The following LOC400499 variants were observed in gnomAD, a reference collection of about 807,000 sequenced individuals.
At chr16:11,482,594 G>T in the LOC400499 span, among the ~76,000 whole-genome samples, 1 of 152,136 alleles carries the variant, frequency 6.6e-6, no homozygotes, top group Non-Finnish European at 1.5e-5. Flanking sequence ...CATATCTGAT[G>T]AAGAACTTGT....
the LOC400499 span, among the ~76,000 whole-genome samples, chr16:11,463,698 T>C: frequency 6.6e-6 from 1 of 152,098 alleles, no homozygotes; most frequent in Non-Finnish European, 1.5e-5. Flanking sequence ...TGTGAACAGA[T>C]ATGTATATAT....
chr16:11,506,297 T>TTATAGGCATGAGCCACTGAGC, the LOC400499 span, among the ~76,000 whole-genome samples: 1 of 152,202 alleles, frequency 6.6e-6, no homozygotes, highest in Non-Finnish European at 1.5e-5. Flanking sequence ...AGTGCTGGGA[T>TTATAGGCATGAGCCACTGAGC]TATAGGCATG....
chr16:11,428,889 C>A, the LOC400499 span, among the ~76,000 whole-genome samples: 1 of 151,294 alleles, frequency 6.6e-6, no homozygotes, highest in African/African-American at 2.4e-5. Flanking sequence ...GGTGTTTGCA[C>A]ACAATTCAAC....
the LOC400499 span, among the ~76,000 whole-genome samples, chr16:11,400,224 T>A: frequency 3.3e-5 from 5 of 151,996 alleles, no homozygotes; most frequent in South Asian, 8.3e-4. Flanking sequence ...GTTCCCATCT[T>A]ATTTCCCTTC....
the LOC400499 span, among the ~76,000 whole-genome samples, chr16:11,490,764 C>T: frequency 6.6e-6 from 1 of 152,136 alleles, no homozygotes; most frequent in Non-Finnish European, 1.5e-5. Context: ...TCCTGAGAGG[C>T]TATTGTTAAG....
At chr16:11,429,348 C>T in the LOC400499 span, among the ~76,000 whole-genome samples, 1 of 152,156 alleles carries the variant, frequency 6.6e-6, no homozygotes, top group African/African-American at 2.4e-5. Context: ...GTACAGCTTG[C>T]AGAACTATGA....
the LOC400499 span, among the ~76,000 whole-genome samples, chr16:11,407,959 G>A: frequency 7.3e-6 from 1 of 137,594 alleles, no homozygotes; most frequent in African/African-American, 2.7e-5. Context: ...CTGGGAAGAT[G>A]TTCCAGAGCT....
At chr16:11,433,200 G>C in the LOC400499 span, among the ~76,000 whole-genome samples, 1 of 152,200 alleles carries the variant, frequency 6.6e-6, no homozygotes. Flanking sequence ...CTTTTACTGA[G>C]AGTCTGCCAA....
At chr16:11,395,481 C>T in the LOC400499 span, among the ~76,000 whole-genome samples, 3 of 152,142 alleles carry the variant, frequency 2.0e-5, no homozygotes, top group Admixed American at 6.5e-5. Context: ...TGGCTGGAAA[C>T]GGGGAAGTGA....
chr16:11,460,597 C>T, the LOC400499 span: 1 of 1,533,786 alleles, frequency 6.5e-7, no homozygotes, highest in Non-Finnish European at 8.7e-7. Flanking sequence ...CGTGTGCCGC[C>T]TGCTTTGCCT....
chr16:11,383,320 G>C, the LOC400499 span, among the ~76,000 whole-genome samples: 3 of 152,154 alleles, frequency 2.0e-5, no homozygotes, highest in African/African-American at 7.2e-5. Context: ...ACCCACCTCA[G>C]CCTCCCAAAG....
chr16:11,507,793 G>T, the LOC400499 span, among the ~76,000 whole-genome samples: 1 of 152,202 alleles, frequency 6.6e-6, no homozygotes, highest in East Asian at 1.9e-4. Context: ...AATTAGCCAG[G>T]TGTGGTGGCA....
chr16:11,438,731 G>A, the LOC400499 span, among the ~76,000 whole-genome samples: 2 of 151,912 alleles, frequency 1.3e-5, no homozygotes, highest in African/African-American at 4.8e-5. Context: ...CAAGGCTGAA[G>A]TGAGCCATGA....
At chr16:11,468,776 C>T in the LOC400499 span, among the ~76,000 whole-genome samples, 8 of 152,046 alleles carry the variant, frequency 5.3e-5, no homozygotes, top group South Asian at 2.1e-4. Flanking sequence ...TACAGGCACC[C>T]GCCACCACAC....
the LOC400499 span, chr16:11,459,911 G>T: frequency 3.5e-6 from 5 of 1,446,426 alleles, no homozygotes; most frequent in South Asian, 6.0e-5. Flanking sequence ...TGAAGTGATT[G>T]CTCAGGGCGG....
chr16:11,388,839 T>C, the LOC400499 span, among the ~76,000 whole-genome samples: 1 of 152,186 alleles, frequency 6.6e-6, no homozygotes, highest in African/African-American at 2.4e-5. Flanking sequence ...CTCATGCCTA[T>C]AATCCCAGCA....
At chr16:11,401,218 C>T in the LOC400499 span, 2 of 398,898 alleles carry the variant, frequency 5.0e-6, no homozygotes, top group Non-Finnish European at 8.8e-6. Flanking sequence ...AGTCACGCGG[C>T]TCCCACCTCC....
chr16:11,477,009 AC>A, the LOC400499 span: 6 of 397,722 alleles, frequency 1.5e-5, no homozygotes, highest in Non-Finnish European at 2.6e-5. Context: ...CCCACCTGCG[AC>A]CCCCAGCAGC....
At chr16:11,407,327 G>C in the LOC400499 span, 1 of 395,010 alleles carries the variant, frequency 2.5e-6, no homozygotes, top group Non-Finnish European at 4.4e-6. Flanking sequence ...CTCACCCTTG[G>C]AGTAGTGTAG....
Sources: gnomAD v4.1 joint callset for allele counts (sites outside exome capture counted in the v4.1 genomes callset) on GRCh38, gnomAD v4.1.1 for gene constraint, MANE v1.5 for transcripts.